Variants in DGKI observed in about 807,000 individuals in gnomAD.
DGKI encodes the protein DAG kinase iota.
Under a neutral mutation model 147.5 loss-of-function variants are expected in DGKI, and 55 were observed. The ratio of observed to expected loss-of-function variants is 0.37; its 90% CI spans 0.30 to 0.47. The LOEUF (loss-of-function observed/expected upper bound fraction) is 0.47, where lower values mean the gene tolerates loss of function less well. DGKI is among the 20% of genes least tolerant of loss of function. The probability of loss-of-function intolerance (pLI) is 1.00; values close to 1 mark genes in which losing one functional copy is unlikely to be tolerated. For missense variants in DGKI, 1,007 were observed against 1,323.8 expected (o/e 0.76, Z 3.71); for synonymous variants, 469 against 477.1 (o/e 0.98, Z 0.22).
chr7:137,559,759 T>G (rs1818355006), intron 19 of DGKI, among the ~76,000 whole-genome samples: 1 of 151,922 alleles, frequency 6.6e-6, no homozygotes, highest in Non-Finnish European at 1.5e-5. Flanking sequence ...TTCATAGCTG[T>G]TAGTGAGATT....
intron 6 of DGKI, among the ~76,000 whole-genome samples, chr7:137,638,251 C>T (rs1240273598): frequency 6.6e-6 from 1 of 151,808 alleles, no homozygotes; most frequent in Non-Finnish European, 1.5e-5. Context: ...CTTTCTGTCC[C>T]TTTGCTTCTC....
At chr7:137,701,484 ATGAG>A (rs1468059733) in intron 1 of DGKI, among the ~76,000 whole-genome samples, 1 of 152,226 alleles carries the variant, frequency 6.6e-6, no homozygotes, top group Non-Finnish European at 1.5e-5. Flanking sequence ...ATTCTACAGA[ATGAG>A]TAAGTTTGGA....
intron 20 of DGKI, among the ~76,000 whole-genome samples, chr7:137,540,991 G>T (rs566507781): frequency 1.3e-5 from 2 of 152,150 alleles, no homozygotes; most frequent in Admixed American, 1.3e-4. Context: ...TATAATTCCA[G>T]TCATCCAATT....
At chr7:137,658,654 C>G (rs1822309439) in intron 3 of DGKI, among the ~76,000 whole-genome samples, 1 of 152,084 alleles carries the variant, frequency 6.6e-6, no homozygotes, top group South Asian at 2.1e-4. Flanking sequence ...TAGTCTGTTA[C>G]GAAAGTCACT....
At chr7:137,395,785 C>T (rs1811528213) in intron 31 of DGKI, 88 bp from the exon 32 acceptor site, 1 of 1,199,592 alleles carries the variant, frequency 8.3e-7, no homozygotes, top group Admixed American at 1.8e-5. Context: ...GGGTGCTCCT[C>T]AGCCTCCTTC....
intron 1 of DGKI, among the ~76,000 whole-genome samples, chr7:137,789,131 A>C (rs186150024): frequency 5.3e-4 from 80 of 152,286 alleles, no homozygotes; most frequent in African/African-American, 1.9e-3. Context: ...TAAATGAATA[A>C]AAGAGTAGGT....
intron 6 of DGKI, among the ~76,000 whole-genome samples, chr7:137,624,247 A>T (rs760026208): frequency 5.3e-5 from 8 of 152,254 alleles, no homozygotes; most frequent in Non-Finnish European, 1.0e-4. Flanking sequence ...TAATGGCCAG[A>T]GAGAAGTATG....
intron 3 of DGKI, among the ~76,000 whole-genome samples, chr7:137,659,282 C>T (rs1019659367): frequency 6.6e-6 from 1 of 152,124 alleles, no homozygotes; most frequent in Non-Finnish European, 1.5e-5. Flanking sequence ...AGGTCTTTTG[C>T]CATAGTAGAA....
intron 30 of DGKI, among the ~76,000 whole-genome samples, chr7:137,404,392 A>T (rs1461512597): frequency 6.6e-6 from 1 of 152,266 alleles, no homozygotes; most frequent in Non-Finnish European, 1.5e-5. Flanking sequence ...AATGTCTATC[A>T]ATGTTGATAA....
intron 23 of DGKI, among the ~76,000 whole-genome samples, chr7:137,482,584 C>T (rs895883757): frequency 3.3e-5 from 5 of 151,892 alleles, no homozygotes; most frequent in Admixed American, 1.3e-4. Context: ...AAAACTAATA[C>T]GGCTAACACA....
intron 1 of DGKI, among the ~76,000 whole-genome samples, chr7:137,747,345 A>G (rs1162319930): frequency 6.6e-6 from 1 of 152,198 alleles, no homozygotes; most frequent in Middle Eastern, 3.2e-3. Context: ...TTCATTGTCA[A>G]GGCAGCAAGA....
At chr7:137,815,657 C>T (rs1335733542) in intron 1 of DGKI, among the ~76,000 whole-genome samples, 1 of 152,102 alleles carries the variant, frequency 6.6e-6, no homozygotes, top group East Asian at 1.9e-4. Context: ...AGATGTAGGC[C>T]TGTGGAAGTT....
Position 137,846,747 on chromosome 7 carries a change from C to T in DGKI, c.116G>A (p.Gly39Asp). The T allele has an allele frequency of 9.9e-7, 1 of 1,014,186 alleles. No individual in the cohort carries two copies. The highest frequency in any genetic ancestry group is 1.2e-6 in the Non-Finnish European group (1 of 851,370). The allele number at this position is 1,014,186 out of a possible 1,614,324, so 62.8% of individuals were successfully genotyped here. A position where few individuals can be genotyped will look rare whatever the true frequency, so the allele number is the denominator to read the frequency against. Residue 39 changes from glycine to aspartate, a missense_variant, in exon 1 of 33, where the codon GGC (glycine) becomes GAC (aspartate). Around this residue, in one of 5 missense-constraint regions of DGKI, gnomAD observed 137 missense variants for 114.4 expected, o/e 1.20. Coordinates refer to ENST00000614521, the MANE Select transcript of DGKI (RefSeq NM_001321708.2). This position sits in a 1 kb window ranked among gnomAD's most constrained non-coding sequence, Gnocchi z 4.0. Reference protein sequence around the residue: ...AAASPPGPCSGAACAPSAAAG... With the variant: ...AAASPPGPCSDAACAPSAAAG... ...GGCCGCGGAGGGAGCGCAGGCGGCG[C>T]CGCTGCAGGGGCCGGGCGGGCTGGC...
At chr7:137,452,424 G>C (rs1245029130) in intron 27 of DGKI, among the ~76,000 whole-genome samples, 1 of 152,190 alleles carries the variant, frequency 6.6e-6, no homozygotes, top group Non-Finnish European at 1.5e-5. Flanking sequence ...AAGCGGGAAT[G>C]CTGGGCAAGC....
chr7:137,491,131 T>C (rs1286727754), intron 21 of DGKI, among the ~76,000 whole-genome samples: 1 of 152,028 alleles, frequency 6.6e-6, no homozygotes, highest in Non-Finnish European at 1.5e-5. Flanking sequence ...CCAAAATAAT[T>C]TCTACTGCAA....
intron 19 of DGKI, among the ~76,000 whole-genome samples, chr7:137,564,833 C>A (rs896400275): frequency 6.6e-6 from 1 of 152,230 alleles, no homozygotes; most frequent in African/African-American, 2.4e-5. Context: ...CAAGGGCGGT[C>A]CCTCGTGCCA....
chr7:137,619,819 G>A lies in DGKI; in HGVS notation c.993+5C>T. 6.2e-7 allele frequency: 1 copy of A among 1,609,376 alleles called. No individual in the cohort carries two copies. Among genetic ancestry groups the A allele is most frequent in the Non-Finnish European group, 8.5e-7 (1 of 1,176,158 alleles). On this transcript the variant is annotated splice_donor_5th_base_variant and intron_variant, in intron 8 of 32. Transcript: ENST00000614521. ...GCCCAGCAGCACCAGAGTCCTGGCA[G>A]TTACCTGAGGTTTCTTCACCTTAAT...
chr7:137,723,475 G>A (rs1794625879), intron 1 of DGKI, among the ~76,000 whole-genome samples: 1 of 152,120 alleles, frequency 6.6e-6, no homozygotes, highest in African/African-American at 2.4e-5. Context: ...TAGTATTTAT[G>A]GAGCTAATAG....
At chr7:137,428,644 T>C (rs912041834) in intron 28 of DGKI, among the ~76,000 whole-genome samples, 5 of 152,118 alleles carry the variant, frequency 3.3e-5, no homozygotes, top group Admixed American at 1.3e-4. Flanking sequence ...ATTGTATATC[T>C]AGAAAACCCC....
Sources: gnomAD v4.1 joint callset for allele counts (sites outside exome capture counted in the v4.1 genomes callset) on GRCh38, gnomAD v4.1.1 for gene constraint, gnomAD v4.1.1 regional missense constraint, Gnocchi (gnomAD v3.1) non-coding constraint, MANE v1.5 for transcripts, NCBI Gene and HGNC (gene_info 2026-07-23, HGNC 2026-07-21) for gene names.